EBF1: variants seen among roughly 807,000 people sequenced by gnomAD.
EBF1 encodes the protein EBF transcription factor 1.
In EBF1, 10 loss-of-function variants were observed where a neutral mutation model predicts 68.4. The observed-to-expected ratio is 0.15, with a 90% CI of 0.09 to 0.25. The LOEUF (loss-of-function observed/expected upper bound fraction) is 0.25, where lower values mean the gene tolerates loss of function less well. Ranked by LOEUF, EBF1 falls within the 10% of genes least tolerant of loss-of-function variation. The pLI is 1.00. For missense variants in EBF1, 509 were observed against 794.4 expected, an observed-to-expected ratio of 0.64 and a Z score of 4.32; for synonymous variants, 298 against 299.8, an observed-to-expected ratio of 0.99 and a Z score of 0.06.
chr5:158,831,491 G>T (rs924085078), intron 7 of EBF1, among the ~76,000 whole-genome samples: 1 of 152,082 alleles, frequency 6.6e-6, no homozygotes, highest in South Asian at 2.1e-4. Context: ...AGTTCTTACT[G>T]GGGACAGAGA....
chr5:158,736,568 A>G (rs1195182606), intron 10 of EBF1, among the ~76,000 whole-genome samples: 1 of 152,232 alleles, frequency 6.6e-6, no homozygotes, highest in African/African-American at 2.4e-5. Flanking sequence ...TCTAGACTCT[A>G]TGCCAAGTAA....
intron 9 of EBF1, among the ~76,000 whole-genome samples, chr5:158,790,686 T>A (rs1032535838): frequency 3.3e-5 from 5 of 152,162 alleles, no homozygotes; most frequent in African/African-American, 1.2e-4. Flanking sequence ...CCAATGGGTA[T>A]CTATTAATAT....
intron 9 of EBF1, among the ~76,000 whole-genome samples, chr5:158,785,991 T>C (rs1237825465): frequency 1.3e-5 from 2 of 152,162 alleles, no homozygotes; most frequent in Non-Finnish European, 2.9e-5. Context: ...CTGGAACTAG[T>C]AGTCACTCAA....
At chr5:158,858,927 G>T (rs1399327856) in intron 6 of EBF1, among the ~76,000 whole-genome samples, 1 of 152,126 alleles carries the variant, frequency 6.6e-6, no homozygotes. Flanking sequence ...GAACAAAATG[G>T]GCAGCTGTCT....
At chr5:158,700,530 G>T (rs1042684955) in intron 15 of EBF1, among the ~76,000 whole-genome samples, 1 of 145,910 alleles carries the variant, frequency 6.9e-6, no homozygotes, top group Non-Finnish European at 1.5e-5. Context: ...AAAAAAAAGC[G>T]AACCCCAGTA....
chr5:158,871,755 T>C (rs1796908610), intron 6 of EBF1, among the ~76,000 whole-genome samples: 2 of 152,228 alleles, frequency 1.3e-5, no homozygotes, highest in African/African-American at 4.8e-5. Context: ...ATTTGCTCAA[T>C]GACGCACAGT....
At chr5:158,804,680 ATTGT>A (rs987536155) in intron 8 of EBF1, among the ~76,000 whole-genome samples, 6 of 152,160 alleles carry the variant, frequency 3.9e-5, no homozygotes, top group East Asian at 1.9e-4. Context: ...ATATGCAAAA[ATTGT>A]TTGTTAACTA....
At chr5:159,073,270 G>T (rs559650322) in intron 6 of EBF1, 126 bp downstream of exon 6, 1 of 935,388 alleles carries the variant, frequency 1.1e-6, no homozygotes, top group Non-Finnish European at 1.7e-6. Flanking sequence ...TCAGCACAGC[G>T]TAAGTCATGA....
intron 6 of EBF1, among the ~76,000 whole-genome samples, chr5:158,840,590 A>G (rs1369190217): frequency 6.6e-6 from 1 of 150,830 alleles, no homozygotes; most frequent in Non-Finnish European, 1.5e-5. Flanking sequence ...TACCCATGAG[A>G]AATAAGTAAA....
chr5:159,096,575 CT>C (rs1782650082), intron 2 of EBF1, 169 bp from the exon 3 acceptor site: 1 of 696,396 alleles, frequency 1.4e-6, no homozygotes. Context: ...CCTCCGCCCC[CT>C]GTTCCTGACT....
intron 9 of EBF1, among the ~76,000 whole-genome samples, chr5:158,785,871 A>G (rs764787943): frequency 1.4e-4 from 21 of 152,158 alleles, no homozygotes; most frequent in Non-Finnish European, 2.4e-4. Context: ...AGAGATGTAG[A>G]TATGCTTTCC....
intron 6 of EBF1, among the ~76,000 whole-genome samples, chr5:159,066,582 AT>A (rs1161434956): frequency 0.013 from 1,822 of 145,598 alleles, 17 homozygotes; most frequent in African/African-American, 0.025. Context: ...TGTAACAAAG[AT>A]TTTTTTTTTT....
At chr5:158,777,283 A>G in intron 10 of EBF1, 130 bp downstream of exon 10, 1 of 1,107,832 alleles carries the variant, frequency 9.0e-7, no homozygotes. Context: ...TACATATGGT[A>G]AAATGAAGAA....
intron 6 of EBF1, among the ~76,000 whole-genome samples, chr5:158,917,734 T>C (rs773348754): frequency 2.6e-5 from 4 of 152,214 alleles, no homozygotes; most frequent in African/African-American, 4.8e-5. Flanking sequence ...TACTCATCTA[T>C]AGCAAAAGTC....
chr5:158,896,668 A>G (rs1802237301), intron 6 of EBF1, among the ~76,000 whole-genome samples: 1 of 152,224 alleles, frequency 6.6e-6, no homozygotes, highest in Non-Finnish European at 1.5e-5. Context: ...ATTTACACAC[A>G]TAGGATAAAG....
chr5:158,908,197 C>G (rs1805082873), intron 6 of EBF1, among the ~76,000 whole-genome samples: 1 of 152,172 alleles, frequency 6.6e-6, no homozygotes, highest in African/African-American at 2.4e-5. Flanking sequence ...CTGTGCTTGA[C>G]AATTATTTCC....
In EBF1 at chr5:158,955,977, A is replaced by G. The variant is rs73301910; in HGVS notation, c.555-115867T>C. 3.6e-3 allele frequency among the ~76,000 whole-genome samples: 542 copies of G among 151,904 alleles called. 1 individual carries two copies. Among genetic ancestry groups the G allele is most frequent in the African/African-American group, 0.012 (517 of 41,406 alleles). On this transcript the variant is annotated intron_variant, in intron 6 of 15. Coordinates refer to ENST00000313708, the MANE Select transcript of EBF1 (RefSeq NM_024007.5). ...TTCTTACAGTTGTTACTTATTTGTT[A>G]CAAGCTCCTGCTTGAATATGCCAGA...
At chr5:158,784,841 T>C (rs144630027) in intron 9 of EBF1, among the ~76,000 whole-genome samples, 138 of 152,264 alleles carry the variant, frequency 9.1e-4, no homozygotes, top group East Asian at 2.5e-3. Context: ...ATGTTACCCA[T>C]TGAAGGGTCT....
chr5:159,087,922 T>C (rs1028256905), intron 4 of EBF1, among the ~76,000 whole-genome samples: 1 of 152,132 alleles, frequency 6.6e-6, no homozygotes, highest in African/African-American at 2.4e-5. Flanking sequence ...GTTTCTTCTC[T>C]CCCTCTCCTT....
Sources: allele counts gnomAD v4.1 joint callset (sites outside exome capture counted in the v4.1 genomes callset), GRCh38; gene constraint gnomAD v4.1.1; transcripts MANE v1.5; gene names NCBI Gene and HGNC (gene_info 2026-07-23, HGNC 2026-07-21).